Variants in RUNX1T1 observed in about 807,000 individuals in gnomAD.
RUNX1T1 encodes protein CBFA2T1.
RUNX1T1 carries 4 observed loss-of-function variants against 62.8 expected under a neutral mutation model. The ratio of observed to expected loss-of-function variants is 0.06; its 90% CI spans 0.03 to 0.15. The LOEUF (loss-of-function observed/expected upper bound fraction) is 0.15. Ranked by LOEUF, RUNX1T1 falls within the 10% of genes least tolerant of loss-of-function variation. RUNX1T1 has a pLI of 1.00. For missense variants in RUNX1T1, 508 were observed against 754.3 expected (o/e 0.67, Z 3.82); for synonymous variants, 291 against 286.0 (o/e 1.02, Z -0.18).
chr8:92,016,030 T>C (rs1291484777), intron 2 of RUNX1T1, among the ~76,000 whole-genome samples: 1 of 152,208 alleles, frequency 6.6e-6, no homozygotes, highest in Non-Finnish European at 1.5e-5. Flanking sequence ...CAGCCTGAGA[T>C]GCGTACTTTG....
At chr8:91,994,475 C>G (rs371174020) in intron 5 of RUNX1T1, 6 of 365,000 alleles carry the variant, frequency 1.6e-5, no homozygotes, top group Admixed American at 6.6e-5. Flanking sequence ...GTAATGCTAA[C>G]ACAGCACCTA....
chr8:92,037,662 G>C (rs990147546), intron 1 of RUNX1T1, among the ~76,000 whole-genome samples: 2 of 152,090 alleles, frequency 1.3e-5, no homozygotes, highest in South Asian at 4.1e-4. Context: ...CTGGGTGACA[G>C]AGGGAATCCA....
At position 91,961,612 on chromosome 8, in the gene RUNX1T1, T is replaced by C. The variant is rs191214088; in HGVS notation, c.1459-1095A>G. Among the ~76,000 whole-genome samples, 159 of 152,272 alleles carry C rather than the reference T, an allele frequency of 1.0e-3. 1 individual carries two copies. Among genetic ancestry groups the C allele is most frequent in the African/African-American group, 3.8e-3 (157 of 41,558 alleles). On this transcript the variant is annotated intron_variant, in intron 10 of 10. Transcript: ENST00000396218. ...AAGAGCACCTTTTGGGGACAGGCCC[T>C]AAGCAGGCAAGGAGGAATGAGGAAG...
chr8:92,044,065 C>T (rs987417356), intron 1 of RUNX1T1, among the ~76,000 whole-genome samples: 3 of 149,598 alleles, frequency 2.0e-5, no homozygotes, highest in Non-Finnish European at 3.0e-5. Flanking sequence ...GTTTATCTTA[C>T]TATCCATGAT....
intron 1 of RUNX1T1, chr8:92,094,995 C>T: frequency 6.7e-7 from 1 of 1,497,388 alleles, no homozygotes; most frequent in Middle Eastern, 1.7e-4. Context: ...AAAACTAAAC[C>T]CAATTAAAGA....
In RUNX1T1 at chr8:91,993,801, G is replaced by A. The variant is rs1423452813; in HGVS notation, c.660-1912C>T. On this transcript the variant is annotated intron_variant, in intron 5 of 10. Coordinates refer to ENST00000396218, the Ensembl canonical transcript of RUNX1T1. ...GAGGTCAGGAATTCGAGACTAGCCTGGCCAACACTGTGAAACCTCGCCTCT... is the reference window on the plus strand; with the variant it reads ...GAGGTCAGGAATTCGAGACTAGCCTAGCCAACACTGTGAAACCTCGCCTCT... 2.0e-5 allele frequency among the ~76,000 whole-genome samples: 3 copies of A among 152,202 alleles called. No individual in the cohort carries two copies. The South Asian group carries it at 6.2e-4, about 32-fold the overall frequency.
chr8:92,102,520 C>T (rs1312568327), upstream of RUNX1T1, among the ~76,000 whole-genome samples: 1 of 151,944 alleles, frequency 6.6e-6, no homozygotes, highest in Non-Finnish European at 1.5e-5. The surrounding 1 kb of genome is among the most constrained non-coding windows in gnomAD (Gnocchi z 4.5). Context: ...GTTGTTTTGT[C>T]GGGGGAGAAA....
intron 1 of RUNX1T1, among the ~76,000 whole-genome samples, chr8:92,086,084 T>C (rs534400442): frequency 6.6e-6 from 1 of 152,262 alleles, no homozygotes; most frequent in African/African-American, 2.4e-5. Context: ...GTGCTTGGGG[T>C]ACTGAACAAA....
chr8:92,031,162 T>TA (rs760811694), intron 1 of RUNX1T1, among the ~76,000 whole-genome samples: 54 of 152,330 alleles, frequency 3.5e-4, no homozygotes, highest in Non-Finnish European at 6.5e-4. Flanking sequence ...CACTTCTAAA[T>TA]AACCTTTGCG....
At chr8:91,967,105 T>G (rs1811791122) in intron 10 of RUNX1T1, among the ~76,000 whole-genome samples, 1 of 152,288 alleles carries the variant, frequency 6.6e-6, no homozygotes, top group Non-Finnish European at 1.5e-5. Context: ...AAAGTAACAC[T>G]ACCTACTTTG....
At chr8:92,072,976 C>T (rs1297534172) in intron 2 of RUNX1T1, among the ~76,000 whole-genome samples, 1 of 152,150 alleles carries the variant, frequency 6.6e-6, no homozygotes, top group East Asian at 1.9e-4. Flanking sequence ...CTATATATCC[C>T]ATTCCATGAT....
chr8:92,092,365 TA>T (rs1837163432), intron 1 of RUNX1T1, among the ~76,000 whole-genome samples: 1 of 152,204 alleles, frequency 6.6e-6, no homozygotes, highest in African/African-American at 2.4e-5. Flanking sequence ...TCCCTGTCCA[TA>T]AAACTTATTT....
rs555554511 is a variant in RUNX1T1, at chr8:92,093,337, T to G, written c.-86+6243A>C. On this transcript the variant is annotated intron_variant, in intron 1 of 11. Coordinates refer to the RUNX1T1 transcript ENST00000265814. Reference sequence around the variant, plus strand: ...TTTTTTTTCATATTCACTCTCTGTATGGTTCAAATTTCTTTGACTCAATGT... The same window carrying G: ...TTTTTTTTCATATTCACTCTCTGTAGGGTTCAAATTTCTTTGACTCAATGT... Among the ~76,000 whole-genome samples the G allele has an allele frequency of 1.4e-4, 22 of 152,284 alleles. 1 individual carries two copies. The South Asian group carries it at 3.7e-3, about 26-fold the overall frequency.
At chr8:92,086,170 C>A (rs1836084300) in intron 1 of RUNX1T1, among the ~76,000 whole-genome samples, 1 of 152,222 alleles carries the variant, frequency 6.6e-6, no homozygotes, top group African/African-American at 2.4e-5. Flanking sequence ...AAGTCTGAGG[C>A]CTGCTGGTTT....
intron 1 of RUNX1T1, among the ~76,000 whole-genome samples, chr8:92,031,251 T>A (rs941851602): frequency 3.9e-5 from 6 of 152,190 alleles, no homozygotes; most frequent in Non-Finnish European, 7.3e-5. Flanking sequence ...GGCCCTTAGT[T>A]TTTTGTACTA....
intron 2 of RUNX1T1, among the ~76,000 whole-genome samples, chr8:92,071,856 T>A (rs1405234089): frequency 6.6e-6 from 1 of 152,182 alleles, no homozygotes; most frequent in Non-Finnish European, 1.5e-5. Context: ...GCCCGGAGCA[T>A]CAACAGAACA....
intron 1 of RUNX1T1, chr8:92,017,622 C>T (rs552440618): frequency 1.9e-5 from 26 of 1,343,330 alleles, no homozygotes; most frequent in Non-Finnish European, 2.4e-5. Flanking sequence ...GCAGATGCTA[C>T]CTTGGTAGTG....
At chr8:91,981,670 C>A (rs1448927035) in intron 8 of RUNX1T1, among the ~76,000 whole-genome samples, 1 of 151,908 alleles carries the variant, frequency 6.6e-6, no homozygotes, top group Non-Finnish European at 1.5e-5. Flanking sequence ...CCGCCTCGGC[C>A]TCCCCAAGTG....
At chr8:92,075,989 T>C in exon 2 of RUNX1T1, 1 of 1,611,656 alleles carries the variant, frequency 6.2e-7, no homozygotes, top group Non-Finnish European at 8.5e-7. Flanking sequence ...AAGTTCCCTT[T>C]TTTCCGGCAG....
Sources: gnomAD v4.1 joint callset for allele counts (sites outside exome capture counted in the v4.1 genomes callset) on GRCh38, gnomAD v4.1.1 for gene constraint, Gnocchi (gnomAD v3.1) non-coding constraint, MANE v1.5 for transcripts, NCBI Gene and HGNC (gene_info 2026-07-23, HGNC 2026-07-21) for gene names.